Variants in ASCC3 observed in about 807,000 individuals in gnomAD.
The protein encoded by ASCC3 is activating signal cointegrator 1 complex subunit 3, also known as ASC-1 complex subunit P200.
ASCC3 carries 158 observed loss-of-function variants against 256.3 expected under a neutral mutation model. The ratio of observed to expected loss-of-function variants is 0.62; its 90% CI spans 0.54 to 0.70. The LOEUF is 0.70. ASCC3 is among the 30% of genes least tolerant of loss of function. ASCC3 has a pLI of 0.00. For missense variants in ASCC3, 2,259 were observed against 2,626.0 expected (o/e 0.86, Z 3.05); for synonymous variants, 948 against 883.4 (o/e 1.07, Z -1.30).
In ASCC3 at chr6:100,601,867, T is replaced by C; in HGVS notation, c.5246A>G (p.Asp1749Gly). The C allele has an allele frequency of 1.2e-6, 2 of 1,612,708 alleles. No homozygotes were observed. Among genetic ancestry groups the C allele is most frequent in the Non-Finnish European group, 1.7e-6 (2 of 1,178,984 alleles). Reference sequence around the variant, plus strand: ...AGTCCAGGTGATATAATCCAATGCATCTTGCTTAGATGTAATTGTACCACC... The same window carrying C: ...AGTCCAGGTGATATAATCCAATGCACCTTGCTTAGATGTAATTGTACCACC... ...IAGGTITSKQ[D>G]ALDYITWTYF... The change falls in exon 34 of 42, where the codon GAT becomes GGT. Residue 1749 changes from aspartate to glycine, a missense_variant. Physicochemically the swap from Asp to Gly is moderately conservative, Grantham distance 94 (BLOSUM62 -1). Transcript: ENST00000369162.
chr6:100,763,125 A>G (rs1002520942), intron 10 of ASCC3, among the ~76,000 whole-genome samples: 1 of 152,202 alleles, frequency 6.6e-6, no homozygotes, highest in Admixed American at 6.5e-5. Flanking sequence ...CACATTCTTT[A>G]CATAATTCTC....
intron 10 of ASCC3, among the ~76,000 whole-genome samples, chr6:100,749,859 T>G (rs1780856589): frequency 6.6e-6 from 1 of 151,510 alleles, no homozygotes; most frequent in South Asian, 2.1e-4. Flanking sequence ...GAAATAAATT[T>G]TATATAAAAT....
At chr6:100,755,689 A>G (rs1781145780) in intron 10 of ASCC3, among the ~76,000 whole-genome samples, 1 of 152,136 alleles carries the variant, frequency 6.6e-6, no homozygotes, top group Non-Finnish European at 1.5e-5. Flanking sequence ...GAGTATAATA[A>G]AAGTTTAAAT....
rs1774850832 is a variant in ASCC3, at chr6:100,531,111, C to A, written c.5775+9052G>T. ...GTACAATAAATACAACAGAAAATTG[C>A]ACAATTTCTGCTGGCTGGACTGAAC... On this transcript the variant is annotated intron_variant, in intron 37 of 41. Transcript: ENST00000369162. The A allele has an allele frequency of 2.8e-6, 3 of 1,077,082 alleles. No individual in the cohort carries two copies. The African/African-American group carries it at 4.7e-5, about 17-fold the overall frequency. The allele number at this position is 1,077,082 out of a possible 1,614,324, so 66.7% of individuals were successfully genotyped here.
At position 100,867,966 on chromosome 6, in the gene ASCC3, C is replaced by T. The variant is rs759185635; in HGVS notation, c.32G>A (p.Arg11His). MALPRLTGALRSFSNVTKQDN... is the reference protein window; with the variant it reads MALPRLTGALHSFSNVTKQDN... Reference sequence around the variant, plus strand: ...TTGCTTGGTGACATTTGAAAAGGAACGCAAGGCTCCTGTGAGACGAGGTAA... The same window carrying T: ...TTGCTTGGTGACATTTGAAAAGGAATGCAAGGCTCCTGTGAGACGAGGTAA... Residue 11 changes from arginine (R) to histidine (H), a missense_variant, in exon 2 of 42, where the codon CGT becomes CAT. Transcript: ENST00000369162. 1.5e-5 allele frequency: 24 copies of T among 1,613,636 alleles called. No homozygotes were observed. The highest frequency in any genetic ancestry group is 6.7e-5 in the African/African-American group (5 of 74,890).
At chr6:100,625,397 A>G in intron 29 of ASCC3, 63 bp from the exon 30 acceptor site, 1 of 1,565,188 alleles carries the variant, frequency 6.4e-7, no homozygotes, top group Non-Finnish European at 8.8e-7. Flanking sequence ...GAATTTCATT[A>G]GGATATCAAA....
intron 2 of ASCC3, among the ~76,000 whole-genome samples, chr6:100,864,643 T>C (rs1773396252): frequency 6.6e-6 from 1 of 152,190 alleles, no homozygotes; most frequent in Non-Finnish European, 1.5e-5. Context: ...AACGCATTTA[T>C]GGAAAATTAG....
At chr6:100,789,888 C>T (rs546079563) in intron 8 of ASCC3, among the ~76,000 whole-genome samples, 2 of 151,976 alleles carry the variant, frequency 1.3e-5, no homozygotes, top group Admixed American at 1.3e-4. Flanking sequence ...TCATATAACT[C>T]TGAAATTTAC....
chr6:100,738,606 T>C (rs1043918962), intron 10 of ASCC3, among the ~76,000 whole-genome samples: 3 of 152,332 alleles, frequency 2.0e-5, no homozygotes, highest in Admixed American at 2.0e-4. Flanking sequence ...CCATGCTGTT[T>C]TGGTTGCTGT....
At chr6:100,780,778 G>C (rs1338590930) in intron 8 of ASCC3, among the ~76,000 whole-genome samples, 3 of 152,040 alleles carry the variant, frequency 2.0e-5, no homozygotes, top group Non-Finnish European at 4.4e-5. Flanking sequence ...TTCCAAAATT[G>C]ACTCAATCAC....
At chr6:100,545,281 G>A (rs1308510443) in intron 36 of ASCC3, among the ~76,000 whole-genome samples, 3 of 151,868 alleles carry the variant, frequency 2.0e-5, no homozygotes, top group Admixed American at 2.0e-4. Flanking sequence ...AGGTTCAAGC[G>A]CTTCTCTTGC....
chr6:100,669,464 T>C (rs1776636586), intron 14 of ASCC3, among the ~76,000 whole-genome samples: 1 of 151,398 alleles, frequency 6.6e-6, no homozygotes, highest in East Asian at 1.9e-4. Flanking sequence ...CAAGAAATAA[T>C]AGATTTAATT....
At chr6:100,627,372 T>G (rs1019238357) in intron 29 of ASCC3, among the ~76,000 whole-genome samples, 1 of 152,198 alleles carries the variant, frequency 6.6e-6, no homozygotes, top group African/African-American at 2.4e-5. Flanking sequence ...CATACTTTTA[T>G]TCAACTACAA....
chr6:100,698,835 A>G (rs1194650936), intron 13 of ASCC3, among the ~76,000 whole-genome samples: 1 of 152,074 alleles, frequency 6.6e-6, no homozygotes. Flanking sequence ...CCAAAGAACT[A>G]ATAATTATCT....
At chr6:100,764,305 T>G (rs942583820) in intron 10 of ASCC3, among the ~76,000 whole-genome samples, 7 of 152,136 alleles carry the variant, frequency 4.6e-5, no homozygotes, top group African/African-American at 1.7e-4. Context: ...GAATTTGAAC[T>G]GGGTTTTAAA....
chr6:100,871,885 C>A (rs1383663435), intron 1 of ASCC3, among the ~76,000 whole-genome samples: 1 of 152,114 alleles, frequency 6.6e-6, no homozygotes, highest in Admixed American at 6.6e-5. Flanking sequence ...ACACAGTACA[C>A]AGTATGTTTG....
chr6:100,816,769 G>C (rs971842240), intron 4 of ASCC3, among the ~76,000 whole-genome samples: 2 of 152,056 alleles, frequency 1.3e-5, no homozygotes, highest in Admixed American at 6.6e-5. Flanking sequence ...GAGGGTGGGA[G>C]GAGAGAGAAA....
intron 37 of ASCC3, among the ~76,000 whole-genome samples, chr6:100,532,368 G>A (rs61056012): frequency 0.014 from 1,577 of 116,410 alleles, 27 homozygotes; most frequent in African/African-American, 0.057. Flanking sequence ...GTGTGTGTGT[G>A]TGTATGTGTG....
intron 22 of ASCC3, among the ~76,000 whole-genome samples, chr6:100,644,654 T>A (rs1295616355): frequency 6.6e-6 from 1 of 152,190 alleles, no homozygotes. Flanking sequence ...TCAGCAAGCA[T>A]CTCTCCCTCA....
Sources: gnomAD v4.1 joint callset for allele counts (sites outside exome capture counted in the v4.1 genomes callset) on GRCh38, gnomAD v4.1.1 for gene constraint, MANE v1.5 for transcripts, NCBI Gene and HGNC (gene_info 2026-07-23, HGNC 2026-07-21) for gene names.